MTERF4: variants seen among roughly 807,000 people sequenced by gnomAD.
MTERF4 encodes mitochondrial transcription termination factor 4.
A neutral mutation model predicts 22.5 loss-of-function variants in MTERF4; 17 were observed. That is an observed-to-expected ratio of 0.75 (90% CI 0.52 to 1.13). MTERF4 has a LOEUF of 1.13. Ranked by LOEUF, MTERF4 falls within the 50% of genes most tolerant of loss-of-function variation. The pLI, the probability that MTERF4 is intolerant of heterozygous loss-of-function variation, is 0.00. For synonymous variants in MTERF4, 165 were observed against 175.3 expected, an observed-to-expected ratio of 0.94 and a Z score of 0.47; for missense variants, 420 against 466.8, an observed-to-expected ratio of 0.90 and a Z score of 0.92.
chr2:241,073,716 T>G lies in MTERF4; in HGVS notation n.2446A>C. 2.3e-6 allele frequency: 1 copy of G among 431,982 alleles called. No homozygotes were observed. Among genetic ancestry groups the G allele is most frequent in the Non-Finnish European group, 4.1e-6 (1 of 243,542 alleles). 26.8% of individuals were successfully genotyped at this position (431,982 alleles called of 1,614,324 possible). On this transcript the variant is annotated non_coding_transcript_exon_variant, in exon 5 of 5. Coordinates refer to the MTERF4 transcript ENST00000464344. This position sits in a 1 kb window ranked among gnomAD's most constrained non-coding sequence, Gnocchi z 6.6. Reference sequence around the variant, plus strand: ...TGCCTCTGGGCCCCTCACCCCTCACTTCTCCAAAGAGGAGCAGGCGGAGTC... The same window carrying G: ...TGCCTCTGGGCCCCTCACCCCTCACGTCTCCAAAGAGGAGCAGGCGGAGTC...
At chr2:241,099,918 C>T in intron 1 of MTERF4, 24 bp from the exon 2 acceptor site, 1 of 1,602,706 alleles carries the variant, frequency 6.2e-7, no homozygotes, top group Non-Finnish European at 8.5e-7. Context: ...GACCAAAAGA[C>T]AATTAATTCC....
At chr2:241,074,554 G>A (rs2062928308) in exon 5 of MTERF4, 1 of 152,126 alleles carries the variant, frequency 6.6e-6, no homozygotes, top group Non-Finnish European at 1.5e-5. Context: ...ACCCTCCTGG[G>A]TCTCTTCAGC....
At chr2:241,082,234 C>T (rs370876961), downstream of MTERF4, 3 of 1,500,882 alleles carry the variant, frequency 2.0e-6, no homozygotes, top group African/African-American at 1.4e-5. Flanking sequence ...GCAGGAGGAG[C>T]CGTCAGGAGC....
rs901550178 is a variant in MTERF4, at chr2:241,075,173, G to A, written n.989C>T. The A allele has an allele frequency of 1.3e-5, 2 of 152,178 alleles. No individual in the cohort carries two copies. Among genetic ancestry groups the A allele is most frequent in the South Asian group, 4.1e-4 (2 of 4,826 alleles). 9.4% of individuals were successfully genotyped at this position (152,178 alleles called of 1,614,324 possible). ...CCCTCTCTGTGCAGAGAACATGTAG[G>A]TTGTGTTTGGTATGAGCAGTGCTGC... On this transcript the variant is annotated non_coding_transcript_exon_variant, in exon 5 of 5. Transcript: ENST00000464344. The surrounding 1 kb of genome is among the most constrained non-coding windows in gnomAD (Gnocchi z 4.8).
the MTERF4 span, among the ~76,000 whole-genome samples, chr2:241,057,311 G>A: frequency 4.7e-5 from 7 of 150,466 alleles, no homozygotes; most frequent in East Asian, 2.0e-4. Context: ...CCTCGGAGGC[G>A]GAGGTTGCAA....
the MTERF4 span, among the ~76,000 whole-genome samples, chr2:241,049,611 G>T: frequency 6.6e-6 from 1 of 152,278 alleles, no homozygotes; most frequent in Middle Eastern, 3.4e-3. Flanking sequence ...GGTGAATTCT[G>T]CTAAAATCGA....
rs35220799 is a variant in MTERF4 at position 241,095,701 on chromosome 2, C to A, written c.*297G>T. The A allele has an allele frequency of 2.5e-3, 873 of 356,302 alleles. 2 individuals carry two copies. The highest frequency in any genetic ancestry group is 3.5e-3 in the Non-Finnish European group (697 of 198,182). 22.1% of individuals were successfully genotyped at this position (356,302 alleles called of 1,614,324 possible). ...ATATTCAAAAGAGAAAAAAATAAAA[C>A]CAATTGTTGATATATTGAGTCCCCT... On this transcript the variant is annotated 3_prime_UTR_variant, in exon 4 of 4. Coordinates refer to ENST00000391980, the MANE Select transcript of MTERF4 (RefSeq NM_182501.4).
At chr2:241,097,103 C>T (rs974218410) in intron 3 of MTERF4, 140 bp downstream of exon 3, 14 of 985,486 alleles carry the variant, frequency 1.4e-5, no homozygotes, top group Non-Finnish European at 1.7e-5. Flanking sequence ...AACTGACCTT[C>T]ACTACATTTG....
At position 241,102,041 on chromosome 2, in the gene MTERF4, G is replaced by A. The variant is rs528203813; in HGVS notation, c.21+212C>T. On this transcript the variant is annotated intron_variant, in intron 1 of 3. Transcript: ENST00000391980. ...GCACTCCAGCCTGGAGACAGAGCGA[G>A]ACTTTGTCTCAAAAAAAAAAAATGT... 2,193 of 558,496 alleles carry A rather than the reference G, an allele frequency of 3.9e-3. 34 individuals carry two copies. The African/African-American group carries it at 0.058, about 15-fold the overall frequency. The allele number at this position is 558,496 out of a possible 1,614,324, so 34.6% of individuals were successfully genotyped here.
the MTERF4 span, among the ~76,000 whole-genome samples, chr2:241,066,310 C>T: frequency 7.1e-4 from 108 of 152,226 alleles, 1 homozygote; most frequent in Middle Eastern, 0.01. Context: ...CAGGGCTTAG[C>T]GGGCTTGTGT....
At chr2:241,051,931 C>T in the MTERF4 span, 1 of 1,469,236 alleles carries the variant, frequency 6.8e-7, no homozygotes, top group Admixed American at 2.0e-5. This position sits in a 1 kb window ranked among gnomAD's most constrained non-coding sequence, Gnocchi z 4.7. Flanking sequence ...CCTGATGCAC[C>T]CTCCCTGCCA....
At chr2:241,071,504 C>G (rs918842775), downstream of MTERF4, 7 of 1,514,950 alleles carry the variant, frequency 4.6e-6, no homozygotes, top group Non-Finnish European at 6.2e-6. Context: ...GGGGCACCAC[C>G]CATGCCACAG....
At position 241,073,522 on chromosome 2, in the gene MTERF4, G is replaced by A; in HGVS notation, n.2640C>T. ...ACCAGGCACCCCGGTGTGGGAAGATGGGGTGAAGCTACACCACCCAAGCAG... is the reference window on the plus strand; with the variant it reads ...ACCAGGCACCCCGGTGTGGGAAGATAGGGTGAAGCTACACCACCCAAGCAG... On this transcript the variant is annotated non_coding_transcript_exon_variant, in exon 5 of 5. Coordinates refer to the MTERF4 transcript ENST00000464344. The surrounding 1 kb of genome is among the most constrained non-coding windows in gnomAD (Gnocchi z 6.6). 1.5e-6 allele frequency: 1 copy of A among 684,394 alleles called. No individual in the cohort carries two copies. The highest frequency in any genetic ancestry group is 2.7e-6 in the Non-Finnish European group (1 of 375,956). 42.4% of individuals were successfully genotyped at this position (684,394 alleles called of 1,614,324 possible). A position where few individuals can be genotyped will look rare whatever the true frequency, so the allele number is the denominator to read the frequency against.
the MTERF4 span, among the ~76,000 whole-genome samples, chr2:241,056,013 C>T: frequency 6.6e-6 from 1 of 150,820 alleles, no homozygotes; most frequent in Non-Finnish European, 1.5e-5. Flanking sequence ...ACTTTGATTT[C>T]CACTGTTCTT....
At chr2:241,089,532 T>C (rs13421760), downstream of MTERF4, among the ~76,000 whole-genome samples, 2,499 of 152,112 alleles carry the variant, frequency 0.016, 62 homozygotes, top group African/African-American at 0.057. Flanking sequence ...GAGCTCTGAG[T>C]TGGCCATGAC....
chr2:241,076,183 G>A lies in MTERF4; in HGVS notation n.480-501C>T, dbSNP rs570146915. On this transcript the variant is annotated intron_variant and non_coding_transcript_variant, in intron 4 of 4. Transcript: ENST00000464344. ...GTCACACTCTATGGAAAAGGCCTTT[G>A]AGATAATGATGACTGGGTGTGCATT... Among the ~76,000 whole-genome samples, 18 of 152,244 alleles carry A rather than the reference G, an allele frequency of 1.2e-4. No individual in the cohort carries two copies. The East Asian group carries it at 3.3e-3, about 28-fold the overall frequency.
the MTERF4 span, among the ~76,000 whole-genome samples, chr2:241,066,624 T>TGATG: frequency 9.0e-6 from 1 of 111,144 alleles, no homozygotes; most frequent in Non-Finnish European, 2.2e-5. Flanking sequence ...CGAAGTGGCG[T>TGATG]GATGGATGGA....
intron 4 of MTERF4, among the ~76,000 whole-genome samples, chr2:241,078,940 C>T (rs979528044): frequency 1.3e-5 from 2 of 150,842 alleles, no homozygotes; most frequent in African/African-American, 4.9e-5. Context: ...ATAGGGAAAC[C>T]CTGTCTCTAC....
rs2062878813 is a variant in MTERF4 at position 241,073,971 on chromosome 2, A to G, written n.2191T>C. On this transcript the variant is annotated non_coding_transcript_exon_variant, in exon 5 of 5. Transcript: ENST00000464344. The surrounding 1 kb of genome is among the most constrained non-coding windows in gnomAD (Gnocchi z 6.6). ...CAGTTCCCCTTCGGGCAGCACCAAT[A>G]CATGTGTGTTCCTCACCCTGAGTCA... 1 of 154,986 alleles carries G rather than the reference A, an allele frequency of 6.5e-6. No individual in the cohort carries two copies. The highest frequency in any genetic ancestry group is 1.4e-5 in the Non-Finnish European group (1 of 69,932). The allele number at this position is 154,986 out of a possible 1,614,324, so 9.6% of individuals were successfully genotyped here. A position where few individuals can be genotyped will look rare whatever the true frequency, so the allele number is the denominator to read the frequency against.
Sources: allele counts gnomAD v4.1 joint callset (sites outside exome capture counted in the v4.1 genomes callset), GRCh38; gene constraint gnomAD v4.1.1; non-coding constraint Gnocchi (gnomAD v3.1); transcripts MANE v1.5; gene names NCBI Gene and HGNC (gene_info 2026-07-23, HGNC 2026-07-21).